THRA: variants seen among roughly 807,000 people sequenced by gnomAD.
THRA encodes the protein EAR-7.
In THRA, 13 loss-of-function variants were observed where a neutral mutation model predicts 45.0. The observed-to-expected ratio is 0.29, with a 90% CI of 0.19 to 0.46. THRA has a LOEUF of 0.46. THRA is among the 20% of genes least tolerant of loss of function. The pLI, the probability that THRA is intolerant of heterozygous loss-of-function variation, is 1.00. For missense variants in THRA, 278 were observed against 556.1 expected, an observed-to-expected ratio of 0.50 and a Z score of 5.03; for synonymous variants, 195 against 214.0, an observed-to-expected ratio of 0.91 and a Z score of 0.78.
intron 6 of THRA, 46 bp downstream of exon 6, chr17:40,084,861 G>C (rs770942477): frequency 6.2e-7 from 1 of 1,603,686 alleles, no homozygotes; most frequent in East Asian, 2.2e-5. Context: ...AGGTGGCAGG[G>C]AGAAGAGAGT....
At chr17:40,093,644 C>T (rs1987676100), downstream of THRA, 2 of 661,610 alleles carry the variant, frequency 3.0e-6, no homozygotes, top group African/African-American at 1.8e-5. This position sits in a 1 kb window ranked among gnomAD's most constrained non-coding sequence, Gnocchi z 5.9. Flanking sequence ...TTTGAGGCCC[C>T]AACTCAAGTG....
Position 40,092,969 on chromosome 17 carries a change from A to T in THRA, c.*3513A>T. The T allele has an allele frequency of 6.3e-7, 1 of 1,583,430 alleles. No homozygotes were observed. The highest frequency in any genetic ancestry group is 8.6e-7 in the Non-Finnish European group (1 of 1,162,336). On this transcript the variant is annotated 3_prime_UTR_variant, in exon 9 of 9. Coordinates refer to ENST00000450525, the MANE Select transcript of THRA (RefSeq NM_199334.5). ...CCAGAGGCTCATCTTGGAATATTTT[A>T]TAACAATATAAATAAGATTCTGGTT... is the stretch of plus-strand genomic sequence containing the variant.
At position 40,067,961 on chromosome 17, in the gene THRA, G is replaced by A. The variant is rs115302741; in HGVS notation, c.-298+4869G>A. The stretch of plus-strand genomic sequence containing the variant: ...CTTAAGCCTGGAAGGTCGAGGCTGC[G>A]GTGAGCTGTGATTGTGCCACTGCAC... On this transcript the variant is annotated intron_variant, in intron 1 of 8. Coordinates refer to ENST00000450525, the MANE Select transcript of THRA (RefSeq NM_199334.5). Among the ~76,000 whole-genome samples the A allele has an allele frequency of 5.1e-3, 782 of 152,278 alleles. 5 individuals are homozygous for A. The highest frequency in any genetic ancestry group is 0.017 in the African/African-American group (704 of 41,552).
Position 40,074,288 on chromosome 17 carries a change from C to A in THRA, c.-201C>A, listed in dbSNP as rs1022293608. On this transcript the variant is annotated 5_prime_UTR_variant, in exon 2 of 9. Transcript: ENST00000450525. ...GCCCCCAGCCCTCCCACCTGCCACT[C>A]CCTGGCCCCTCCCACCGCCCGCCCC... The A allele has an allele frequency of 1.5e-5, 9 of 605,934 alleles. No homozygotes were observed. Among genetic ancestry groups the A allele is most frequent in the African/African-American group, 1.5e-4 (8 of 54,170 alleles). 37.5% of individuals were successfully genotyped at this position (605,934 alleles called of 1,614,324 possible). A position where few individuals can be genotyped will look rare whatever the true frequency, so the allele number is the denominator to read the frequency against.
rs912781764 is a variant in THRA at position 40,091,228 on chromosome 17, C to G, written c.*1772C>G. 1.7e-5 allele frequency: 2 copies of G among 118,478 alleles called. No homozygotes were observed. The highest frequency in any genetic ancestry group is 3.3e-5 in the Non-Finnish European group (2 of 60,704). 7.3% of individuals were successfully genotyped at this position (118,478 alleles called of 1,614,324 possible). On this transcript the variant is annotated 3_prime_UTR_variant, in exon 9 of 9. Transcript: ENST00000450525. ...CCCTGACCCTCAGCCTGCCACAGCC[C>G]CCTACACACACACACACACACACAC...
chr17:40,089,223 T>C lies in THRA; in HGVS notation c.1000T>C (p.Cys334Arg). ...LMSTDRSGLL[C>R]VDKIEKSQEA... ...CCTCACAGACCGCTCGGGCCTGCTG[T>C]GTGTGGACAAGATCGAGAAGAGTCA... Residue 334 changes from cysteine (C) to arginine (R), a missense_variant, in exon 9 of 9, where the codon TGT becomes CGT. By Grantham distance (180) the Cys-to-Arg change is radical. This residue lies in a region of THRA where 66 missense variants were observed against 94.7 expected (regional missense o/e 0.70). Transcript: ENST00000450525. The surrounding 1 kb of genome is among the most constrained non-coding windows in gnomAD (Gnocchi z 6.1). 6.2e-7 allele frequency: 1 copy of C among 1,613,648 alleles called. No homozygotes were observed. The highest frequency in any genetic ancestry group is 8.5e-7 in the Non-Finnish European group (1 of 1,179,926).
intron 4 of THRA, among the ~76,000 whole-genome samples, chr17:40,081,238 G>A (rs954967721): frequency 1.3e-5 from 2 of 151,876 alleles, no homozygotes; most frequent in African/African-American, 4.8e-5. Context: ...TTCCATGAAA[G>A]ACAAGGCTTA....
At chr17:40,066,533 G>A (rs183911543) in intron 1 of THRA, among the ~76,000 whole-genome samples, 127 of 151,982 alleles carry the variant, frequency 8.4e-4, no homozygotes, top group Middle Eastern at 3.4e-3. Flanking sequence ...GTGTGGTGGC[G>A]GGGTCCTGTA....
At chr17:40,083,318 T>C (rs532093327) in intron 4 of THRA, among the ~76,000 whole-genome samples, 1 of 152,054 alleles carries the variant, frequency 6.6e-6, no homozygotes, top group East Asian at 1.9e-4. Flanking sequence ...TCATCCGCCT[T>C]GGCCTCCCAA....
At chr17:40,082,109 G>A (rs935895528) in intron 4 of THRA, among the ~76,000 whole-genome samples, 15 of 151,624 alleles carry the variant, frequency 9.9e-5, no homozygotes, top group African/African-American at 3.2e-4. Flanking sequence ...AATTCCACCT[G>A]CATGGACAAC....
intron 1 of THRA, among the ~76,000 whole-genome samples, chr17:40,071,388 G>A (rs955471823): frequency 6.6e-5 from 10 of 152,180 alleles, no homozygotes; most frequent in African/African-American, 1.2e-4. Context: ...GGAACCTGGC[G>A]GGGCGCCCGT....
In THRA at chr17:40,088,460, G is replaced by A. The variant is rs188880120; in HGVS notation, c.942G>A (p.Thr314=). The change falls in exon 8 of 9, where the codon ACG becomes ACA. Residue 314 remains threonine, a synonymous_variant. Coordinates refer to ENST00000450525, the MANE Select transcript of THRA (RefSeq NM_199334.5). ...KSLSAFNLDD[T]EVALLQAVLL... Reference sequence around the variant, plus strand: ...TCTCTGCCTTTAACCTGGATGACACGGAAGTGGCTCTGCTGCAGGCTGTGC... The same window carrying A: ...TCTCTGCCTTTAACCTGGATGACACAGAAGTGGCTCTGCTGCAGGCTGTGC... The A allele has an allele frequency of 1.2e-5, 20 of 1,613,984 alleles. 1 individual carries two copies. The highest frequency in any genetic ancestry group is 6.7e-5 in the East Asian group (3 of 44,876).
At chr17:40,093,686 A>G, downstream of THRA, 2 of 634,148 alleles carry the variant, frequency 3.2e-6, no homozygotes, top group South Asian at 2.0e-5. The surrounding 1 kb of genome is among the most constrained non-coding windows in gnomAD (Gnocchi z 5.9). Flanking sequence ...CCAGGCAGAA[A>G]TAGTTGTCTG....
At chr17:40,070,612 G>A (rs1353908195) in intron 1 of THRA, among the ~76,000 whole-genome samples, 5 of 152,130 alleles carry the variant, frequency 3.3e-5, no homozygotes, top group African/African-American at 9.7e-5. Context: ...TGGCCGCCCC[G>A]GCCCCTCAGC....
intron 4 of THRA, among the ~76,000 whole-genome samples, chr17:40,078,369 C>T (rs887354605): frequency 2.6e-4 from 39 of 152,204 alleles, no homozygotes; most frequent in African/African-American, 9.4e-4. Context: ...GTGGTCCCAG[C>T]TACTCAGGAG....
chr17:40,084,532 G>A (rs564369330), intron 5 of THRA, 78 bp from the exon 6 acceptor site: 1 of 1,514,984 alleles, frequency 6.6e-7, no homozygotes, highest in South Asian at 1.2e-5. Flanking sequence ...TGTACTCTAG[G>A]AAGAGTAGTT....
intron 1 of THRA, among the ~76,000 whole-genome samples, chr17:40,073,171 C>T (rs1021171120): frequency 1.3e-5 from 2 of 152,142 alleles, no homozygotes; most frequent in Non-Finnish European, 1.5e-5. Context: ...AGGTTGAGGT[C>T]GTATGTTGGG....
At chr17:40,075,501 A>T (rs778601822) in intron 2 of THRA, among the ~76,000 whole-genome samples, 46 of 152,112 alleles carry the variant, frequency 3.0e-4, no homozygotes, top group Non-Finnish European at 5.6e-4. Flanking sequence ...TCACCCCAGG[A>T]AGGACTCTGA....
chr17:40,074,356 C>T lies in THRA; in HGVS notation c.-133C>T, dbSNP rs1439416737. On this transcript the variant is annotated 5_prime_UTR_variant, in exon 2 of 9. Transcript: ENST00000450525. ...TGGTGTGAAAGGCCAAGTGCTGAGGCGGGTATCATGGGTGCTGTGCCCTAG... is the reference window on the plus strand; with the variant it reads ...TGGTGTGAAAGGCCAAGTGCTGAGGTGGGTATCATGGGTGCTGTGCCCTAG... 7 of 920,444 alleles carry T rather than the reference C, an allele frequency of 7.6e-6. No homozygotes were observed. The highest frequency in any genetic ancestry group is 2.6e-5 in the East Asian group (1 of 38,596). 57.0% of individuals were successfully genotyped at this position (920,444 alleles called of 1,614,324 possible). A position where few individuals can be genotyped will look rare whatever the true frequency, so the allele number is the denominator to read the frequency against.
Sources: gnomAD v4.1 joint callset for allele counts (sites outside exome capture counted in the v4.1 genomes callset) on GRCh38, gnomAD v4.1.1 for gene constraint, gnomAD v4.1.1 regional missense constraint, Gnocchi (gnomAD v3.1) non-coding constraint, MANE v1.5 for transcripts, NCBI Gene and HGNC (gene_info 2026-07-23, HGNC 2026-07-21) for gene names.